CLVS1: variants seen among roughly 807,000 people sequenced by gnomAD.
The protein encoded by CLVS1 is clavesin 1, also known as clavesin-1.
Under a neutral mutation model 33.1 loss-of-function variants are expected in CLVS1, and 10 were observed. The observed-to-expected ratio is 0.30, with a 90% CI of 0.19 to 0.51. The LOEUF (loss-of-function observed/expected upper bound fraction) is 0.51. Ranked by LOEUF, CLVS1 falls within the 20% of genes least tolerant of loss-of-function variation. The pLI is 0.97. For synonymous variants in CLVS1, 163 were observed against 166.1 expected (o/e 0.98, Z 0.14); for missense variants, 343 against 433.4 (o/e 0.79, Z 1.85).
intron 2 of CLVS1, among the ~76,000 whole-genome samples, chr8:61,151,697 T>A (rs1318417387): frequency 1.3e-5 from 2 of 152,128 alleles, no homozygotes; most frequent in East Asian, 3.9e-4. Flanking sequence ...ATGTGCAGAG[T>A]TCAAGAGGGA....
At chr8:61,328,751 C>T (rs1811480314) in intron 2 of CLVS1, among the ~76,000 whole-genome samples, 1 of 152,152 alleles carries the variant, frequency 6.6e-6, no homozygotes, top group Non-Finnish European at 1.5e-5. Context: ...GGTTGTCTCT[C>T]AGCAGGAGGG....
intron 2 of CLVS1, among the ~76,000 whole-genome samples, chr8:61,211,027 C>T (rs1807960425): frequency 6.6e-6 from 1 of 151,966 alleles, no homozygotes; most frequent in South Asian, 2.1e-4. Context: ...TAGAGGAAAG[C>T]CAAAGGGATG....
At chr8:61,210,901 A>G (rs1807956907) in intron 2 of CLVS1, among the ~76,000 whole-genome samples, 2 of 152,178 alleles carry the variant, frequency 1.3e-5, no homozygotes, top group African/African-American at 4.8e-5. Flanking sequence ...GTGTCAAAGA[A>G]AGAGCCTGGA....
At chr8:61,425,743 C>G (rs1291461503) in intron 3 of CLVS1, among the ~76,000 whole-genome samples, 1 of 152,206 alleles carries the variant, frequency 6.6e-6, no homozygotes, top group Non-Finnish European at 1.5e-5. Context: ...TCCTATGCCA[C>G]TCACTTACTC....
At chr8:61,214,469 C>T (rs2931337) in intron 2 of CLVS1, among the ~76,000 whole-genome samples, 72,208 of 151,932 alleles carry the variant, frequency 0.48, 17,926 homozygotes, top group East Asian at 0.82. Context: ...TAGAAAAGAA[C>T]CTATGTGACT....
chr8:61,299,565 A>G (rs1341662184), intron 1 of CLVS1, 112 bp from the exon 2 acceptor site: 1 of 421,644 alleles, frequency 2.4e-6, no homozygotes, highest in Non-Finnish European at 4.2e-6. Context: ...CACCTAATCT[A>G]ATCAGACCCA....
At chr8:61,152,380 A>G (rs1190349776) in intron 2 of CLVS1, among the ~76,000 whole-genome samples, 2 of 152,184 alleles carry the variant, frequency 1.3e-5, no homozygotes, top group South Asian at 2.1e-4. Context: ...TTGTACTGCT[A>G]TAACAAAATA....
chr8:61,370,714 C>T (rs1813402379), intron 2 of CLVS1: 1 of 152,082 alleles, frequency 6.6e-6, no homozygotes, highest in African/African-American at 2.4e-5. Context: ...ACCTTTGCAT[C>T]CTCATAGCTT....
chr8:61,385,774 A>G (rs995849886), intron 3 of CLVS1, among the ~76,000 whole-genome samples: 1 of 152,152 alleles, frequency 6.6e-6, no homozygotes, highest in Non-Finnish European at 1.5e-5. Flanking sequence ...CGTGACCTCT[A>G]GTGTCTGCGT....
At chr8:61,347,844 C>T (rs1812284267) in intron 2 of CLVS1, among the ~76,000 whole-genome samples, 1 of 150,772 alleles carries the variant, frequency 6.6e-6, no homozygotes, top group African/African-American at 2.4e-5. Context: ...TTTTAAGGAC[C>T]CTACCTACTG....
At chr8:61,401,558 C>T (rs551904859) in intron 3 of CLVS1, among the ~76,000 whole-genome samples, 62 of 152,054 alleles carry the variant, frequency 4.1e-4, no homozygotes, top group African/African-American at 1.4e-3. Flanking sequence ...AAATCAGAGG[C>T]GGCACAAACA....
chr8:61,226,705 C>T (rs1192373289), intron 2 of CLVS1, among the ~76,000 whole-genome samples: 1 of 152,140 alleles, frequency 6.6e-6, no homozygotes, highest in East Asian at 1.9e-4. Flanking sequence ...TCAAAATCAT[C>T]TTCTGTTCAC....
chr8:61,393,280 T>C (rs979130733), intron 3 of CLVS1, among the ~76,000 whole-genome samples: 9 of 152,182 alleles, frequency 5.9e-5, no homozygotes, highest in Non-Finnish European at 1.2e-4. Flanking sequence ...TATATATATT[T>C]CTTCGAAGAT....
chr8:61,189,676 A>C (rs1364184391), intron 2 of CLVS1, among the ~76,000 whole-genome samples: 1 of 152,200 alleles, frequency 6.6e-6, no homozygotes, highest in East Asian at 1.9e-4. Flanking sequence ...GGATGGAGGA[A>C]GATCTACCAA....
At chr8:61,006,310 C>T in the CLVS1 span, among the ~76,000 whole-genome samples, 4 of 152,110 alleles carry the variant, frequency 2.6e-5, no homozygotes, top group Non-Finnish European at 4.4e-5. Flanking sequence ...GGAGGGAGCC[C>T]TTGATGGTTC....
chr8:61,482,235 C>A (rs1482982966), intron 5 of CLVS1, among the ~76,000 whole-genome samples: 2 of 152,164 alleles, frequency 1.3e-5, no homozygotes, highest in South Asian at 4.1e-4. Context: ...GGTAAAACCA[C>A]AAAGATAGGG....
intron 2 of CLVS1, among the ~76,000 whole-genome samples, chr8:61,159,806 G>A (rs1806718444): frequency 6.6e-6 from 1 of 152,192 alleles, no homozygotes; most frequent in South Asian, 2.1e-4. Context: ...GTAACAGAAA[G>A]AAAGTGAGCT....
rs187794364 is a variant in CLVS1 at position 61,256,063 on chromosome 8, A to G, written c.-151-43614A>G. Reference sequence around the variant, plus strand: ...ACAATCATCACTACCATCTGTCTCCAGAGCTTTTCATTATCACAAACTGAA... The same window carrying G: ...ACAATCATCACTACCATCTGTCTCCGGAGCTTTTCATTATCACAAACTGAA... On this transcript the variant is annotated intron_variant, in intron 2 of 2. Transcript: ENST00000522621. 1.0e-3 allele frequency among the ~76,000 whole-genome samples: 155 copies of G among 152,304 alleles called. 2 individuals are homozygous for G. The highest frequency in any genetic ancestry group is 1.3e-3 in the East Asian group (7 of 5,186).
At chr8:61,197,001 A>C (rs1585680930) in intron 2 of CLVS1, among the ~76,000 whole-genome samples, 1 of 152,178 alleles carries the variant, frequency 6.6e-6, no homozygotes, top group East Asian at 1.9e-4. Flanking sequence ...CACCTGCTTC[A>C]TCCATGTAGA....
Sources: gnomAD v4.1 joint callset for allele counts (sites outside exome capture counted in the v4.1 genomes callset) on GRCh38, gnomAD v4.1.1 for gene constraint, MANE v1.5 for transcripts, NCBI Gene and HGNC (gene_info 2026-07-23, HGNC 2026-07-21) for gene names.